DAB1: variants seen among roughly 807,000 people sequenced by gnomAD.
DAB1 encodes disabled homolog 1.
DAB1 carries 15 observed loss-of-function variants against 64.6 expected under a neutral mutation model. The observed-to-expected ratio is 0.23, with a 90% CI of 0.16 to 0.36. The LOEUF (loss-of-function observed/expected upper bound fraction) is 0.36. DAB1 is among the 10% of genes least tolerant of loss of function. DAB1 has a pLI of 1.00. For missense variants in DAB1, 596 were observed against 706.7 expected (o/e 0.84, Z 1.78); for synonymous variants, 235 against 251.9 (o/e 0.93, Z 0.64).
intron 2 of DAB1, chr1:58,506,278 A>AT (rs370563888): frequency 1.8e-4 from 125 of 712,870 alleles, no homozygotes; most frequent in Non-Finnish European, 2.1e-4. Context: ...CTACTACTTT[A>AT]TTTTTTTTTA....
At chr1:57,600,708 T>C (rs535058434) in intron 7 of DAB1, among the ~76,000 whole-genome samples, 2 of 149,796 alleles carry the variant, frequency 1.3e-5, no homozygotes, top group South Asian at 4.1e-4. Flanking sequence ...TGTCATGTAA[T>C]GAGTTGTCAG....
At chr1:57,751,834 TAATA>T (rs58928224) in intron 6 of DAB1, among the ~76,000 whole-genome samples, 4 of 150,786 alleles carry the variant, frequency 2.7e-5, no homozygotes, top group Admixed American at 6.6e-5. Flanking sequence ...ATTCTTTACT[TAATA>T]AATAAATAAA....
chr1:57,475,270 C>G (rs1245754148), intron 7 of DAB1, among the ~76,000 whole-genome samples: 2 of 152,144 alleles, frequency 1.3e-5, no homozygotes, highest in Non-Finnish European at 2.9e-5. Context: ...GAGCAAGACT[C>G]TGTCCCAAAC....
rs546678199 is a variant in DAB1 at position 58,136,717 on chromosome 1, G to A, written n.387+13794C>T. On this transcript the variant is annotated intron_variant and non_coding_transcript_variant, in intron 5 of 20. Coordinates refer to the DAB1 transcript ENST00000485760. ...CACAGAGCCCAAGGTAAGGGAGGGA[G>A]GAGATGTTCATTTATCTAGGTTATA... Among the ~76,000 whole-genome samples, 10 of 152,296 alleles carry A rather than the reference G, an allele frequency of 6.6e-5. No individual in the cohort carries two copies. The South Asian group carries it at 2.1e-3, about 32-fold the overall frequency.
intron 7 of DAB1, among the ~76,000 whole-genome samples, chr1:57,563,609 A>G (rs1645079074): frequency 6.6e-6 from 1 of 152,162 alleles, no homozygotes; most frequent in Non-Finnish European, 1.5e-5. Flanking sequence ...TGCTTTTCCA[A>G]CGGTCTTAGC....
chr1:57,627,063 C>T (rs1252351338), intron 7 of DAB1, among the ~76,000 whole-genome samples: 1 of 152,038 alleles, frequency 6.6e-6, no homozygotes, highest in Admixed American at 6.5e-5. Context: ...ATTGTCCTCC[C>T]CAGTGTGAGG....
At chr1:57,533,769 G>A (rs191585695) in intron 7 of DAB1, among the ~76,000 whole-genome samples, 4 of 151,862 alleles carry the variant, frequency 2.6e-5, no homozygotes, top group South Asian at 2.1e-4. Context: ...TCCTCTGGTG[G>A]TTGGAATTTT....
intron 3 of DAB1, among the ~76,000 whole-genome samples, chr1:58,405,281 C>A (rs1475884607): frequency 6.6e-6 from 1 of 152,190 alleles, no homozygotes; most frequent in Non-Finnish European, 1.5e-5. Context: ...CCCTGACCAC[C>A]CTATTGGAAG....
chr1:57,544,607 G>T (rs1644836480), intron 7 of DAB1, among the ~76,000 whole-genome samples: 1 of 152,130 alleles, frequency 6.6e-6, no homozygotes, highest in Non-Finnish European at 1.5e-5. Flanking sequence ...TGCCTGATAT[G>T]GTTTGGATGT....
chr1:57,625,987 C>T (rs1428716449), intron 7 of DAB1, among the ~76,000 whole-genome samples: 6 of 151,990 alleles, frequency 3.9e-5, no homozygotes, highest in African/African-American at 1.5e-4. Context: ...AAATGGGTGA[C>T]AGTTAACACC....
intron 1 of DAB1, among the ~76,000 whole-genome samples, chr1:57,869,865 T>C (rs1409867677): frequency 6.6e-6 from 1 of 152,160 alleles, no homozygotes; most frequent in Non-Finnish European, 1.5e-5. Flanking sequence ...GGAAACCTAA[T>C]CATAACTATC....
At chr1:57,937,667 T>A (rs573192657) in intron 5 of DAB1, among the ~76,000 whole-genome samples, 3 of 152,122 alleles carry the variant, frequency 2.0e-5, no homozygotes, top group Non-Finnish European at 4.4e-5. Flanking sequence ...CAAAATAGCA[T>A]CCCCAACTGA....
At chr1:57,514,664 G>C (rs1388308749) in intron 7 of DAB1, among the ~76,000 whole-genome samples, 2 of 152,162 alleles carry the variant, frequency 1.3e-5, no homozygotes, top group African/African-American at 4.8e-5. Flanking sequence ...TGAAGTTAGT[G>C]CCTCTGGGGG....
At chr1:57,411,896 C>T (rs535077294) in intron 1 of DAB1, among the ~76,000 whole-genome samples, 3 of 152,284 alleles carry the variant, frequency 2.0e-5, no homozygotes, top group East Asian at 1.9e-4. Flanking sequence ...TATTGTACTT[C>T]GCCTTATTGC....
chr1:58,263,196 G>C (rs1405404343), intron 4 of DAB1, among the ~76,000 whole-genome samples: 1 of 152,182 alleles, frequency 6.6e-6, no homozygotes, highest in Non-Finnish European at 1.5e-5. Flanking sequence ...CTTTTTGGGA[G>C]CTGTAAAAAG....
At chr1:57,600,084 C>T (rs1645558427) in intron 7 of DAB1, among the ~76,000 whole-genome samples, 1 of 152,158 alleles carries the variant, frequency 6.6e-6, no homozygotes. Context: ...CACCCCATCA[C>T]CAGGCCATGT....
intron 1 of DAB1, among the ~76,000 whole-genome samples, chr1:57,322,337 A>G (rs995332955): frequency 6.6e-6 from 1 of 152,158 alleles, no homozygotes; most frequent in Non-Finnish European, 1.5e-5. Context: ...TTAGCTGCCC[A>G]ATAAGTATCA....
intron 4 of DAB1, among the ~76,000 whole-genome samples, chr1:57,132,985 C>G (rs1265799716): frequency 6.6e-6 from 1 of 152,124 alleles, no homozygotes; most frequent in South Asian, 2.1e-4. Flanking sequence ...CTGGACCAAG[C>G]TACCAAGCTC....
intron 2 of DAB1, among the ~76,000 whole-genome samples, chr1:57,148,004 G>T (rs1398524804): frequency 6.6e-6 from 1 of 152,056 alleles, no homozygotes; most frequent in Non-Finnish European, 1.5e-5. Flanking sequence ...TCTTTTCTAC[G>T]CAACTTTCTT....
Sources: allele counts gnomAD v4.1 joint callset (sites outside exome capture counted in the v4.1 genomes callset), GRCh38; gene constraint gnomAD v4.1.1; transcripts MANE v1.5; gene names NCBI Gene and HGNC (gene_info 2026-07-23, HGNC 2026-07-21).